KCNIP4: variants seen among roughly 807,000 people sequenced by gnomAD.
KCNIP4 encodes the protein potassium voltage-gated channel interacting protein 4, also known as Kv channel-interacting protein 4.
A neutral mutation model predicts 34.0 loss-of-function variants in KCNIP4; 12 were observed. The observed-to-expected ratio is 0.35, with a 90% CI of 0.23 to 0.57. The LOEUF (loss-of-function observed/expected upper bound fraction) is 0.57, where lower values mean the gene tolerates loss of function less well. KCNIP4 is among the 20% of genes least tolerant of loss of function. The probability of loss-of-function intolerance (pLI) is 0.83; values close to 1 mark genes in which losing one functional copy is unlikely to be tolerated. For missense variants in KCNIP4, 238 were observed against 311.7 expected, an observed-to-expected ratio of 0.76 and a Z score of 1.78; for synonymous variants, 124 against 102.2, an observed-to-expected ratio of 1.21 and a Z score of -1.29.
intron 1 of KCNIP4, among the ~76,000 whole-genome samples, chr4:21,070,344 G>T (rs1223551010): frequency 6.6e-6 from 1 of 152,056 alleles, no homozygotes; most frequent in Non-Finnish European, 1.5e-5. Flanking sequence ...TGGGATAAAT[G>T]CACAGAGTAC....
chr4:21,940,659 T>C (rs945985973), intron 1 of KCNIP4, among the ~76,000 whole-genome samples: 1 of 152,144 alleles, frequency 6.6e-6, no homozygotes, highest in African/African-American at 2.4e-5. Flanking sequence ...GTAGATATCA[T>C]TACCACCATT....
chr4:20,763,849 C>T (rs1755160280), intron 3 of KCNIP4, among the ~76,000 whole-genome samples: 1 of 152,138 alleles, frequency 6.6e-6, no homozygotes, highest in African/African-American at 2.4e-5. Flanking sequence ...TGAGCCCAGC[C>T]TCCCACTGAT....
chr4:21,271,290 C>T (rs950718513), intron 1 of KCNIP4, among the ~76,000 whole-genome samples: 4 of 152,118 alleles, frequency 2.6e-5, no homozygotes, highest in African/African-American at 9.7e-5. Context: ...AGGTTATGGT[C>T]AGAGACTTTC....
chr4:20,849,980 G>A (rs184412189), intron 3 of KCNIP4, among the ~76,000 whole-genome samples: 1 of 152,288 alleles, frequency 6.6e-6, no homozygotes, highest in East Asian at 1.9e-4. Flanking sequence ...ACCCTCTGGG[G>A]TTTTCTGGGC....
chr4:21,313,358 T>C (rs184923874), intron 1 of KCNIP4, among the ~76,000 whole-genome samples: 1 of 152,316 alleles, frequency 6.6e-6, no homozygotes, highest in Admixed American at 6.5e-5. Context: ...TAAATAATTG[T>C]TTATCCTATT....
At chr4:20,828,451 G>C (rs146472265) in intron 3 of KCNIP4, among the ~76,000 whole-genome samples, 1 of 151,964 alleles carries the variant, frequency 6.6e-6, no homozygotes, top group Non-Finnish European at 1.5e-5. Flanking sequence ...CAAAAGCTAC[G>C]GGAAGTAAAA....
At chr4:21,216,102 C>T (rs1395557743) in intron 1 of KCNIP4, among the ~76,000 whole-genome samples, 1 of 152,158 alleles carries the variant, frequency 6.6e-6, no homozygotes, top group Non-Finnish European at 1.5e-5. Context: ...AAGATATTTT[C>T]ACAGTTCAAT....
At chr4:20,801,411 G>A (rs13129723) in intron 3 of KCNIP4, among the ~76,000 whole-genome samples, 3,785 of 152,186 alleles carry the variant, frequency 0.025, 80 homozygotes, top group Middle Eastern at 0.065. Context: ...TACTATAATG[G>A]TGGTATGTAA....
At chr4:21,240,632 T>C (rs1759738563) in intron 1 of KCNIP4, among the ~76,000 whole-genome samples, 1 of 152,142 alleles carries the variant, frequency 6.6e-6, no homozygotes, top group South Asian at 2.1e-4. Flanking sequence ...TAAGAAATCC[T>C]AGATAGGGTA....
intron 1 of KCNIP4, among the ~76,000 whole-genome samples, chr4:20,986,463 C>T (rs564924067): frequency 5.3e-5 from 8 of 152,018 alleles, no homozygotes; most frequent in Non-Finnish European, 1.0e-4. Context: ...TTTCCACCAA[C>T]GTTTAGCTAC....
chr4:21,912,418 C>G (rs1652707860), intron 1 of KCNIP4, among the ~76,000 whole-genome samples: 1 of 152,186 alleles, frequency 6.6e-6, no homozygotes, highest in Non-Finnish European at 1.5e-5. Context: ...GAAATCAGTT[C>G]TGGTTTTTGT....
chr4:21,025,551 T>TTG (rs1469989054), intron 1 of KCNIP4, among the ~76,000 whole-genome samples: 7,585 of 65,464 alleles, frequency 0.12, 1,177 homozygotes, highest in East Asian at 0.18. Flanking sequence ...CTGTTTTTTT[T>TTG]TTTTTTTTTT....
At chr4:21,544,293 C>T (rs1032094346) in intron 1 of KCNIP4, 1 of 151,934 alleles carries the variant, frequency 6.6e-6, no homozygotes, top group Non-Finnish European at 1.5e-5. Context: ...CAAACACATA[C>T]ATAAAAAATT....
At chr4:20,834,140 G>C (rs1320832576) in intron 3 of KCNIP4, among the ~76,000 whole-genome samples, 1 of 152,156 alleles carries the variant, frequency 6.6e-6, no homozygotes, top group Non-Finnish European at 1.5e-5. Flanking sequence ...AAACAAACCA[G>C]ATATTCCAGA....
intron 4 of KCNIP4, among the ~76,000 whole-genome samples, chr4:20,751,167 T>C (rs938304997): frequency 6.6e-6 from 1 of 152,204 alleles, no homozygotes; most frequent in Non-Finnish European, 1.5e-5. Context: ...CTCTCACCTT[T>C]TTAATATGCT....
chr4:21,697,552 G>A, intron 1 of KCNIP4: 1 of 1,426,410 alleles, frequency 7.0e-7, no homozygotes, highest in South Asian at 1.6e-5. Context: ...TTATGCACAG[G>A]CTGCCTTACA....
intron 1 of KCNIP4, among the ~76,000 whole-genome samples, chr4:20,943,037 A>C (rs1330590104): frequency 6.6e-6 from 1 of 152,220 alleles, no homozygotes; most frequent in African/African-American, 2.4e-5. Flanking sequence ...ACCATGAATC[A>C]AGATCAATAT....
At chr4:21,449,509 G>A (rs1728330827) in intron 1 of KCNIP4, among the ~76,000 whole-genome samples, 4 of 151,898 alleles carry the variant, frequency 2.6e-5, no homozygotes, top group Admixed American at 1.3e-4. Context: ...CTAATGCAGT[G>A]AGAAGCACTT....
intron 1 of KCNIP4, among the ~76,000 whole-genome samples, chr4:21,618,671 C>T (rs1744782675): frequency 1.5e-5 from 2 of 129,710 alleles, no homozygotes; most frequent in South Asian, 2.4e-4. Context: ...CTCGCTCAGT[C>T]GCCCGGGCTG....
Sources: gnomAD v4.1 joint callset for allele counts (sites outside exome capture counted in the v4.1 genomes callset) on GRCh38, gnomAD v4.1.1 for gene constraint, MANE v1.5 for transcripts, NCBI Gene and HGNC (gene_info 2026-07-23, HGNC 2026-07-21) for gene names.